Variants in PANK1 observed in about 807,000 individuals in gnomAD.
PANK1 encodes the protein pantothenic acid kinase 1.
PANK1 carries 18 observed loss-of-function variants against 40.1 expected under a neutral mutation model. The observed-to-expected ratio is 0.45, with a 90% CI of 0.31 to 0.67. The LOEUF (loss-of-function observed/expected upper bound fraction) is 0.67, where lower values mean the gene tolerates loss of function less well. PANK1 is among the 30% of genes least tolerant of loss of function. PANK1 has a pLI of 0.06. For missense variants in PANK1, 457 were observed against 599.6 expected, an observed-to-expected ratio of 0.76 and a Z score of 2.48; for synonymous variants, 242 against 237.7, an observed-to-expected ratio of 1.02 and a Z score of -0.17.
Position 89,612,059 on chromosome 10 carries a change from G to A in PANK1, c.293-11C>T, listed in dbSNP as rs370389356. On this transcript the variant is annotated splice_polypyrimidine_tract_variant and intron_variant, in intron 1 of 6. Transcript: ENST00000307534. ...CAAACCATGGGAATGCTAAAGGACA[G>A]AAAGAAAGAGTGCTGCTGAATGCTA... 1.2e-5 allele frequency: 20 copies of A among 1,602,530 alleles called. No individual in the cohort carries two copies. The highest frequency in any genetic ancestry group is 1.7e-5 in the Non-Finnish European group (20 of 1,173,140).
downstream of PANK1, chr10:89,580,632 A>G (rs1844034325): frequency 6.6e-6 from 1 of 152,116 alleles, no homozygotes; most frequent in Non-Finnish European, 1.5e-5. Context: ...ACTTCACAAA[A>G]CCTTCTCTAG....
chr10:89,593,720 TG>T, intron 4 of PANK1, 92 bp downstream of exon 4: 1 of 912,370 alleles, frequency 1.1e-6, no homozygotes. Flanking sequence ...ACCAGGCTGG[TG>T]GACTGACATT....
At chr10:89,604,422 T>C (rs1380205342) in intron 2 of PANK1, among the ~76,000 whole-genome samples, 1 of 152,132 alleles carries the variant, frequency 6.6e-6, no homozygotes, top group Non-Finnish European at 1.5e-5. Flanking sequence ...GACGGGGCGG[T>C]GGCTTATGCC....
At chr10:89,614,787 A>AC (rs1380919613) in intron 1 of PANK1, among the ~76,000 whole-genome samples, 2 of 151,034 alleles carry the variant, frequency 1.3e-5, no homozygotes, top group Admixed American at 6.7e-5. Flanking sequence ...ACAGAGTGAG[A>AC]CCCCCTATCT....
Position 89,641,777 on chromosome 10 carries a change from T to TA in PANK1, c.292+2822dup, listed in dbSNP as rs572861825. Among the ~76,000 whole-genome samples, 257 of 143,674 alleles carry TA rather than the reference T, an allele frequency of 1.8e-3. 1 individual carries two copies. Among genetic ancestry groups the TA allele is most frequent in the Non-Finnish European group, 2.4e-3 (156 of 65,772 alleles). The allele number at this position is 143,674 out of a possible 152,430, so 94.3% of individuals were successfully genotyped here. On this transcript the variant is annotated intron_variant, in intron 1 of 6. Transcript: ENST00000307534. ...TAAATAAATAAATAAATAAATAAAATAAAAAAAAATCAGCACAAGGCAAAA... is the reference window on the plus strand; with the variant it reads ...TAAATAAATAAATAAATAAATAAAATAAAAAAAAAATCAGCACAAGGCAAAA...
At chr10:89,589,106 A>G (rs1341081048) in intron 5 of PANK1, among the ~76,000 whole-genome samples, 1 of 152,118 alleles carries the variant, frequency 6.6e-6, no homozygotes, top group African/African-American at 2.4e-5. Flanking sequence ...GTTCAGCTAA[A>G]TTTTCATGTG....
intron 3 of PANK1, among the ~76,000 whole-genome samples, chr10:89,596,577 A>G (rs150905130): frequency 9.1e-4 from 139 of 152,274 alleles, no homozygotes; most frequent in African/African-American, 3.1e-3. Flanking sequence ...AATATCCTTA[A>G]CCTGCTAACC....
In PANK1 at chr10:89,645,234, T is replaced by C; in HGVS notation, c.-343A>G. 1 of 1,602,072 alleles carries C rather than the reference T, an allele frequency of 6.2e-7. No individual in the cohort carries two copies. The highest frequency in any genetic ancestry group is 8.5e-7 in the Non-Finnish European group (1 of 1,175,024). ...CGACTTCAAACGCGGCTTCCTCGCC[T>C]CCCAGACTGGTCCCCGCCACTGAGC... On this transcript the variant is annotated 5_prime_UTR_variant, in exon 1 of 7. Coordinates refer to ENST00000307534, the MANE Select transcript of PANK1 (RefSeq NM_148977.3).
At chr10:89,644,241 TCCTCACTCCTGGACC>T (rs1842045648) in intron 1 of PANK1, among the ~76,000 whole-genome samples, 1 of 152,066 alleles carries the variant, frequency 6.6e-6, no homozygotes, top group Non-Finnish European at 1.5e-5. Flanking sequence ...GCCCACTTTA[TCCTCACTCCTGGACC>T]CCAGCAAATG....
intron 2 of PANK1, among the ~76,000 whole-genome samples, chr10:89,605,180 G>A (rs550964473): frequency 1.3e-5 from 2 of 152,258 alleles, no homozygotes; most frequent in East Asian, 1.9e-4. Flanking sequence ...TCCCCTCAAT[G>A]TTGAGAGCTG....
rs375413373 is a variant in PANK1 at position 89,592,430 on chromosome 10, G to A, written c.1200+767C>T. Among the ~76,000 whole-genome samples the A allele has an allele frequency of 1.1e-4, 17 of 152,184 alleles. No homozygotes were observed. In the East Asian group the frequency reaches 2.3e-3, roughly 21 times the overall value. On this transcript the variant is annotated intron_variant, in intron 5 of 6. Transcript: ENST00000307534. Reference sequence around the variant, plus strand: ...CTTGTGTGTGTAAATTAAACTGTAAGCTTATAATTTGAGCCTTCTTCTGTA... The same window carrying A: ...CTTGTGTGTGTAAATTAAACTGTAAACTTATAATTTGAGCCTTCTTCTGTA...
intron 1 of PANK1, among the ~76,000 whole-genome samples, chr10:89,634,747 T>A (rs1841752976): frequency 6.6e-6 from 1 of 152,216 alleles, no homozygotes; most frequent in African/African-American, 2.4e-5. Flanking sequence ...ACACTTCTTT[T>A]TTAAAAAATA....
intron 1 of PANK1, among the ~76,000 whole-genome samples, chr10:89,630,271 G>A (rs1363495740): frequency 6.6e-6 from 1 of 152,088 alleles, no homozygotes; most frequent in Non-Finnish European, 1.5e-5. Flanking sequence ...TTATTCCAAC[G>A]ACTGTGAAAA....
intron 1 of PANK1, among the ~76,000 whole-genome samples, chr10:89,642,056 C>A (rs1390537589): frequency 6.6e-6 from 1 of 152,088 alleles, no homozygotes; most frequent in Non-Finnish European, 1.5e-5. Flanking sequence ...CTAAGAAAAG[C>A]CTTCCAAGAA....
At chr10:89,609,407 C>T (rs180783738) in intron 2 of PANK1, among the ~76,000 whole-genome samples, 5 of 152,180 alleles carry the variant, frequency 3.3e-5, no homozygotes, top group Non-Finnish European at 5.9e-5. Context: ...TCTTCCCCCA[C>T]TAGAATACAA....
chr10:89,642,975 C>T (rs1002382441), intron 1 of PANK1, among the ~76,000 whole-genome samples: 1 of 152,052 alleles, frequency 6.6e-6, no homozygotes, highest in Non-Finnish European at 1.5e-5. Flanking sequence ...GTTACATTTT[C>T]TTGTATTTTA....
chr10:89,610,235 GGTCTTGCCTA>G (rs147211942), intron 2 of PANK1, among the ~76,000 whole-genome samples: 5,639 of 152,224 alleles, frequency 0.037, 405 homozygotes, highest in East Asian at 0.28. Context: ...AGAAGGGACA[GGTCTTGCCTA>G]GTCACCCAGC....
At chr10:89,605,220 G>C (rs1408144855) in intron 2 of PANK1, among the ~76,000 whole-genome samples, 1 of 152,174 alleles carries the variant, frequency 6.6e-6, no homozygotes. Context: ...TTTGCTGAGG[G>C]TTGGGGTGGC....
intron 2 of PANK1, among the ~76,000 whole-genome samples, chr10:89,602,108 G>A (rs189107211): frequency 6.6e-6 from 1 of 152,188 alleles, no homozygotes; most frequent in Non-Finnish European, 1.5e-5. Flanking sequence ...TAGGTTAACT[G>A]CTTAAAAATT....
Sources: gnomAD v4.1 joint callset for allele counts (sites outside exome capture counted in the v4.1 genomes callset) on GRCh38, gnomAD v4.1.1 for gene constraint, MANE v1.5 for transcripts, NCBI Gene and HGNC (gene_info 2026-07-23, HGNC 2026-07-21) for gene names.